The following INTS5 variants were observed in gnomAD, a reference collection of about 807,000 sequenced individuals.
INTS5 encodes KIAA1698.
In INTS5, 29 loss-of-function variants were observed where a neutral mutation model predicts 60.0. That is an observed-to-expected ratio of 0.48 (90% confidence interval 0.36 to 0.66). The LOEUF (loss-of-function observed/expected upper bound fraction) is 0.66, where lower values mean the gene tolerates loss of function less well. Among genes scored for constraint, INTS5 ranks in the 30% least tolerant of loss-of-function variants. The probability of loss-of-function intolerance (pLI) is 0.00; values close to 1 mark genes in which losing one functional copy is unlikely to be tolerated. For synonymous variants in INTS5, 588 were observed against 558.8 expected (o/e 1.05, Z -0.74); for missense variants, 1,129 against 1,307.9 (o/e 0.86, Z 2.11).
In INTS5 at chr11:62,648,124, C is replaced by T. The variant is rs1489926886; in HGVS notation, c.1956G>A (p.Val652=). Residue 652 remains valine (V), a synonymous_variant, in exon 2 of 2, where the codon GTG becomes GTA. Transcript: ENST00000330574. The surrounding 1 kb of genome is among the most constrained non-coding windows in gnomAD (Gnocchi z 4.4). The stretch of plus-strand genomic sequence containing the variant: ...GCCTCAGAGAGGCAAAGAAGCGGTG[C>T]ACCCCAGCCCTTACCAGTCCCAGGA... ...SQLLGLVRAG[V]HRFFASLRLH... is the part of the protein sequence containing the mutation. 2 of 1,613,658 alleles carry T rather than the reference C, an allele frequency of 1.2e-6. No individual in the cohort carries two copies. The highest frequency in any genetic ancestry group is 1.7e-5 in the Admixed American group (1 of 59,988).
At chr11:62,650,708 G>A (rs982363835) in intron 1 of INTS5, among the ~76,000 whole-genome samples, 5 of 151,696 alleles carry the variant, frequency 3.3e-5, no homozygotes, top group African/African-American at 7.3e-5. Context: ...CACTGCTCCC[G>A]CCCTGTTTTT....
intron 1 of INTS5, among the ~76,000 whole-genome samples, chr11:62,652,133 A>C (rs977626952): frequency 6.7e-6 from 1 of 149,850 alleles, no homozygotes; most frequent in Non-Finnish European, 1.5e-5. Flanking sequence ...CAGCCTGGCC[A>C]ACAGGGTGAA....
At position 62,649,252 on chromosome 11, in the gene INTS5, G is replaced by A. The variant is rs752655574; in HGVS notation, c.828C>T (p.Phe276=). ...CCGCAGGAATGGCAGGAGATCCAGG[G>A]AAGGGGTCTGTAGAGGGGGTCTGAG... ...SSSQTPSTDP[F]PGSPAIPAEK... Residue 276 remains phenylalanine (F), a synonymous_variant, in exon 2 of 2, where the codon TTC becomes TTT. Coordinates refer to ENST00000330574, the MANE Select transcript of INTS5 (RefSeq NM_030628.2). The surrounding 1 kb of genome is among the most constrained non-coding windows in gnomAD (Gnocchi z 6.0). 2 of 1,613,946 alleles carry A rather than the reference G, an allele frequency of 1.2e-6. No individual in the cohort carries two copies. The highest frequency in any genetic ancestry group is 2.2e-5 in the South Asian group (2 of 91,080).
chr11:62,647,746 G>A lies in INTS5; in HGVS notation c.2334C>T (p.Ser778=). ...AGCAGTGAACCAGGAGGCTGAGGAG[G>A]CTCTGGGTGTTATAGATCACTTCCT... ...NQQEVIYNTQ[S]LLSLLVHCCS... Residue 778 remains serine, a synonymous_variant, in exon 2 of 2, where the codon AGC becomes AGT. Transcript: ENST00000330574. 1.9e-6 allele frequency: 3 copies of A among 1,614,210 alleles called. No homozygotes were observed. Among genetic ancestry groups the A allele is most frequent in the Non-Finnish European group, 2.5e-6 (3 of 1,180,046 alleles).
intron 1 of INTS5, among the ~76,000 whole-genome samples, chr11:62,651,720 C>T (rs1299222989): frequency 6.6e-6 from 1 of 151,934 alleles, no homozygotes; most frequent in Non-Finnish European, 1.5e-5. Context: ...AATAATTAGC[C>T]AGGCATGGTC....
In INTS5 at chr11:62,647,981, C is replaced by T. The variant is rs1390691410; in HGVS notation, c.2099G>A (p.Gly700Asp). ...TTGCCCACCAAACAGTTCTGTGTTG[C>T]CTCGATGTAAGGCTCCTTCAACCAG... ...QLLVEGALHR[G>D]NTELFGGQVD... The change falls in exon 2 of 2, where the codon GGC becomes GAC. Residue 700 changes from glycine (G) to aspartate (D), a missense_variant. By Grantham distance (94) the Gly-to-Asp change is moderately conservative. Coordinates refer to ENST00000330574, the MANE Select transcript of INTS5 (RefSeq NM_030628.2). 1.9e-6 allele frequency: 3 copies of T among 1,614,194 alleles called. No homozygotes were observed.
chr11:62,653,282 G>T lies in INTS5; in HGVS notation c.-33C>A, dbSNP rs1364370278. 2 of 1,236,704 alleles carry T rather than the reference G, an allele frequency of 1.6e-6. No homozygotes were observed. Among genetic ancestry groups the T allele is most frequent in the Non-Finnish European group, 2.0e-6 (2 of 982,696 alleles). The allele number at this position is 1,236,704 out of a possible 1,614,324, so 76.6% of individuals were successfully genotyped here. Reference sequence around the variant, plus strand: ...CCCGAGCCGAGCCCGAGGCGCGAGCGGCGGAGCGCAGGCGGCGCATGCGCG... The same window carrying T: ...CCCGAGCCGAGCCCGAGGCGCGAGCTGCGGAGCGCAGGCGGCGCATGCGCG... On this transcript the variant is annotated 5_prime_UTR_variant, in exon 1 of 2. Transcript: ENST00000330574.
chr11:62,647,250 G>A lies in INTS5; in HGVS notation c.2830C>T (p.Leu944Phe), dbSNP rs1396046759. Residue 944 changes from leucine (L) to phenylalanine (F), a missense_variant, in exon 2 of 2, where the codon CTC becomes TTC. Leu to Phe is a conservative substitution (Grantham distance 22). This residue lies in a region of INTS5 where 1,070 missense variants were observed against 1,246.1 expected (regional missense o/e 0.86). Transcript: ENST00000330574. ...LAPFEVRLLL[L>F]SVWGFLREHG... ...TCCCGGAGAAAACCCCAGACACTGA[G>A]CAGCAGCAGACGCACCTCGAAAGGT... 6.2e-7 allele frequency: 1 copy of A among 1,614,128 alleles called. No individual in the cohort carries two copies. Among genetic ancestry groups the A allele is most frequent in the Admixed American group, 1.7e-5 (1 of 59,998 alleles).
chr11:62,648,032 G>C lies in INTS5; in HGVS notation c.2048C>G (p.Ala683Gly), dbSNP rs1172639160. 2 of 1,614,212 alleles carry C rather than the reference G, an allele frequency of 1.2e-6. No individual in the cohort carries two copies. The highest frequency in any genetic ancestry group is 1.7e-6 in the Non-Finnish European group (2 of 1,180,036). ...LLTRLSQTSP[A>G]GLKAVLQLLV... ...CAGCTGCAGGACAGCCTTGAGCCCAGCTGGGGATGTCTGAGACAGGCGGGT... is the reference window on the plus strand; with the variant it reads ...CAGCTGCAGGACAGCCTTGAGCCCACCTGGGGATGTCTGAGACAGGCGGGT... Residue 683 changes from alanine (A) to glycine (G), a missense_variant, in exon 2 of 2, where the codon GCT (alanine) becomes GGT (glycine). Transcript: ENST00000330574. The surrounding 1 kb of genome is among the most constrained non-coding windows in gnomAD (Gnocchi z 4.4).
At position 62,649,416 on chromosome 11, in the gene INTS5, G is replaced by A. The variant is rs1944575987; in HGVS notation, c.664C>T (p.His222Tyr). 3.1e-6 allele frequency: 5 copies of A among 1,614,074 alleles called. No individual in the cohort carries two copies. The highest frequency in any genetic ancestry group is 3.3e-4 in the Middle Eastern group (2 of 6,084). Residue 222 changes from histidine to tyrosine, a missense_variant, in exon 2 of 2, where the codon CAC becomes TAC. Around this residue, in one of 3 missense-constraint regions of INTS5, gnomAD observed 1,070 missense variants for 1,246.1 expected, o/e 0.86. Coordinates refer to ENST00000330574, the MANE Select transcript of INTS5 (RefSeq NM_030628.2). The surrounding 1 kb of genome is among the most constrained non-coding windows in gnomAD (Gnocchi z 6.0). ...ATATGTGCCACAACCCAGTCAAAGT[G>A]TGGAGAATGCTGAACAGAGGTATCC... ...LLDTSVQHSPHFDWVVAHIGS... is the reference protein window; with the variant it reads ...LLDTSVQHSPYFDWVVAHIGS...
In INTS5 at chr11:62,647,269, G is replaced by C. The variant is rs139922569; in HGVS notation, c.2811C>G (p.Phe937Leu). 1.2e-6 allele frequency: 2 copies of C among 1,614,172 alleles called. No homozygotes were observed. Among genetic ancestry groups the C allele is most frequent in the Non-Finnish European group, 1.7e-6 (2 of 1,180,026 alleles). The change falls in exon 2 of 2, where the codon TTC becomes TTG. Residue 937 changes from phenylalanine to leucine, a missense_variant. Phe to Leu is a conservative substitution (Grantham distance 22). Transcript: ENST00000330574. The part of the protein sequence containing the change: ...MHEVFSQLAP[F>L]EVRLLLLSVW... Reference sequence around the variant, plus strand: ...CACTGAGCAGCAGCAGACGCACCTCGAAAGGTGCCAGTTGGCTAAATACTT... The same window carrying C: ...CACTGAGCAGCAGCAGACGCACCTCCAAAGGTGCCAGTTGGCTAAATACTT...
At position 62,649,648 on chromosome 11, in the gene INTS5, A is replaced by T. The variant is rs147231218; in HGVS notation, c.432T>A (p.Ile144=). ...CCATGAGGTCAATGGACCATGCACT[A>T]ATCACAGGTGCCCAGGCCTTTGGGT... ...RANPKAWAPV[I]SAWSIDLMGQ... Residue 144 remains isoleucine, a synonymous_variant, in exon 2 of 2, where the codon ATT becomes ATA. Coordinates refer to ENST00000330574, the MANE Select transcript of INTS5 (RefSeq NM_030628.2). This position sits in a 1 kb window ranked among gnomAD's most constrained non-coding sequence, Gnocchi z 6.0. The T allele has an allele frequency of 1.8e-5, 29 of 1,614,068 alleles. No homozygotes were observed. The highest frequency in any genetic ancestry group is 2.3e-5 in the Non-Finnish European group (27 of 1,180,038).
intron 1 of INTS5, among the ~76,000 whole-genome samples, chr11:62,652,484 T>A (rs999117641): frequency 4.7e-5 from 7 of 147,372 alleles, no homozygotes; most frequent in African/African-American, 1.7e-4. Flanking sequence ...TTTCTTCCCA[T>A]ATTCTGCAAA....
At chr11:62,652,728 A>G (rs1289670367) in intron 1 of INTS5, among the ~76,000 whole-genome samples, 1 of 152,174 alleles carries the variant, frequency 6.6e-6, no homozygotes, top group Non-Finnish European at 1.5e-5. Context: ...AGGTGCTGAT[A>G]AGGCTCTAAC....
Position 62,648,527 on chromosome 11 carries a change from G to A in INTS5, c.1553C>T (p.Ala518Val). ...GGCTCGGCTCAGCAGATGGCCCAAG[G>A]CCTCAGGTCCACAGCTAGGCCGGGT... ...VYTRPSCGPE[A>V]LGHLLSRARS... Residue 518 changes from alanine (A) to valine (V), a missense_variant, in exon 2 of 2, where the codon GCC becomes GTC. Physicochemically the swap from Ala to Val is moderately conservative, Grantham distance 64. Coordinates refer to ENST00000330574, the MANE Select transcript of INTS5 (RefSeq NM_030628.2). This position sits in a 1 kb window ranked among gnomAD's most constrained non-coding sequence, Gnocchi z 4.4. The A allele has an allele frequency of 6.2e-7, 1 of 1,614,172 alleles. No homozygotes were observed. Among genetic ancestry groups the A allele is most frequent in the South Asian group, 1.1e-5 (1 of 91,090 alleles).
Position 62,649,221 on chromosome 11 carries a change from G to C in INTS5, c.859C>G (p.Arg287Gly). The change falls in exon 2 of 2, where the codon CGG becomes GGG. Residue 287 changes from arginine to glycine, a missense_variant. By Grantham distance (125) the Arg-to-Gly change is moderately radical. This residue lies in a region of INTS5 where 1,070 missense variants were observed against 1,246.1 expected (regional missense o/e 0.86). Coordinates refer to ENST00000330574, the MANE Select transcript of INTS5 (RefSeq NM_030628.2). The surrounding 1 kb of genome is among the most constrained non-coding windows in gnomAD (Gnocchi z 6.0). ...PGSPAIPAEK[R>G]VPKIASVVGI... The stretch of plus-strand genomic sequence containing the variant: ...ACAACTGAGGCAATCTTGGGCACCC[G>C]TTTCTCCGCAGGAATGGCAGGAGAT... The C allele has an allele frequency of 6.2e-7, 1 of 1,613,886 alleles. No homozygotes were observed. The highest frequency in any genetic ancestry group is 8.5e-7 in the Non-Finnish European group (1 of 1,179,774).
chr11:62,649,447 G>A lies in INTS5; in HGVS notation c.633C>T (p.Ala211=). 1 of 1,614,212 alleles carries A rather than the reference G, an allele frequency of 6.2e-7. No homozygotes were observed. Among genetic ancestry groups the A allele is most frequent in the Non-Finnish European group, 8.5e-7 (1 of 1,180,046 alleles). The change falls in exon 2 of 2, where the codon GCC becomes GCT. Residue 211 remains alanine (A), a synonymous_variant. Transcript: ENST00000330574. This position sits in a 1 kb window ranked among gnomAD's most constrained non-coding sequence, Gnocchi z 6.0. ...IGSCPDACVD[A]LLDTSVQHSP... is the part of the protein sequence containing the mutation. Reference sequence around the variant, plus strand: ...AATGCTGAACAGAGGTATCCAGCAAGGCATCCACACACGCATCTGGGCAGC... The same window carrying A: ...AATGCTGAACAGAGGTATCCAGCAAAGCATCCACACACGCATCTGGGCAGC...
Position 62,648,500 on chromosome 11 carries a change from C to A in INTS5, c.1580G>T (p.Arg527Leu), listed in dbSNP as rs755808552. ...GGCCAAACTCAACTCTTCAGGGCTT[C>A]GGGCTCGGCTCAGCAGATGGCCCAA... Reference protein sequence around the residue: ...EALGHLLSRARSPEELSLATQ... With the variant: ...EALGHLLSRALSPEELSLATQ... Residue 527 changes from arginine to leucine, a missense_variant, in exon 2 of 2, where the codon CGA becomes CTA. Arg to Leu is a moderately radical substitution (Grantham distance 102). This residue lies in a region of INTS5 where 1,070 missense variants were observed against 1,246.1 expected (regional missense o/e 0.86). Coordinates refer to ENST00000330574, the MANE Select transcript of INTS5 (RefSeq NM_030628.2). This position sits in a 1 kb window ranked among gnomAD's most constrained non-coding sequence, Gnocchi z 4.4. 6.2e-7 allele frequency: 1 copy of A among 1,614,070 alleles called. No individual in the cohort carries two copies. The highest frequency in any genetic ancestry group is 1.3e-5 in the African/African-American group (1 of 74,950).
chr11:62,648,067 A>C lies in INTS5; in HGVS notation c.2013T>G (p.Cys671Trp), dbSNP rs1302303607. 1.9e-6 allele frequency: 3 copies of C among 1,614,146 alleles called. No individual in the cohort carries two copies. Among genetic ancestry groups the C allele is most frequent in the Non-Finnish European group, 2.5e-6 (3 of 1,179,994 alleles). Reference sequence around the variant, plus strand: ...TCTGAGACAGGCGGGTGAGAAGCTGACAGGCTGAGGCCACACCTGGGGGTC... The same window carrying C: ...TCTGAGACAGGCGGGTGAGAAGCTGCCAGGCTGAGGCCACACCTGGGGGTC... ...LHGPPGVASA[C>W]QLLTRLSQTS... The change falls in exon 2 of 2, where the codon TGT (cysteine) becomes TGG (tryptophan). Residue 671 changes from cysteine to tryptophan, a missense_variant. Physicochemically the swap from Cys to Trp is radical, Grantham distance 215 (BLOSUM62 -2). Around this residue, in one of 3 missense-constraint regions of INTS5, gnomAD observed 1,070 missense variants for 1,246.1 expected, o/e 0.86. Transcript: ENST00000330574. This position sits in a 1 kb window ranked among gnomAD's most constrained non-coding sequence, Gnocchi z 4.4.
Sources: allele counts gnomAD v4.1 joint callset (sites outside exome capture counted in the v4.1 genomes callset), GRCh38; gene constraint gnomAD v4.1.1; regional missense constraint gnomAD v4.1.1; non-coding constraint Gnocchi (gnomAD v3.1); transcripts MANE v1.5; gene names NCBI Gene and HGNC (gene_info 2026-07-23, HGNC 2026-07-21).